Variants in PREP observed in about 807,000 individuals in gnomAD.
The protein encoded by PREP is dJ355L5.1 (prolyl endopeptidase).
A neutral mutation model predicts 87.6 loss-of-function variants in PREP; 29 were observed. The observed-to-expected ratio is 0.33, with a 90% confidence interval of 0.25 to 0.45. The LOEUF is 0.45. Among genes scored for constraint, PREP ranks in the 20% least tolerant of loss-of-function variants. The probability of loss-of-function intolerance (pLI) is 1.00; values close to 1 mark genes in which losing one functional copy is unlikely to be tolerated. For synonymous variants in PREP, 337 were observed against 328.6 expected (o/e 1.03, Z -0.28); for missense variants, 695 against 886.5 (o/e 0.78, Z 2.74).
At chr6:105,329,627 C>T (rs1771268117) in intron 8 of PREP, among the ~76,000 whole-genome samples, 1 of 152,108 alleles carries the variant, frequency 6.6e-6, no homozygotes, top group Non-Finnish European at 1.5e-5. Context: ...GCTATAGGAG[C>T]TATAAGGAGG....
chr6:105,380,102 C>T (rs1772797823), intron 2 of PREP, among the ~76,000 whole-genome samples: 1 of 152,306 alleles, frequency 6.6e-6, no homozygotes. Flanking sequence ...ATTTACAAAC[C>T]AGCCATTCCT....
chr6:105,326,056 A>C (rs1032237366), intron 9 of PREP, among the ~76,000 whole-genome samples: 1 of 152,188 alleles, frequency 6.6e-6, no homozygotes, highest in African/African-American at 2.4e-5. Flanking sequence ...CGTATGTAAA[A>C]AGGCGGCAAA....
intron 14 of PREP, among the ~76,000 whole-genome samples, chr6:105,279,398 C>A (rs1308414690): frequency 6.6e-6 from 1 of 152,100 alleles, no homozygotes; most frequent in African/African-American, 2.4e-5. Context: ...TTTGACCAGC[C>A]CCATTCTTCC....
intron 9 of PREP, 80 bp from the exon 10 acceptor site, chr6:105,323,848 A>C: frequency 8.7e-7 from 1 of 1,145,236 alleles, no homozygotes; most frequent in Non-Finnish European, 1.3e-6. Context: ...ACCACAACCA[A>C]ATGCCAGCAA....
At chr6:105,376,057 C>T (rs1390425247) in intron 4 of PREP, 68 bp downstream of exon 4, 7 of 1,534,264 alleles carry the variant, frequency 4.6e-6, no homozygotes, top group South Asian at 1.3e-5. Flanking sequence ...GGTAAAGCAA[C>T]TGCACTAACT....
At chr6:105,316,977 A>G (rs1196563218) in intron 10 of PREP, among the ~76,000 whole-genome samples, 1 of 143,074 alleles carries the variant, frequency 7.0e-6, no homozygotes, top group Admixed American at 7.0e-5. Flanking sequence ...TTTTTTTTTT[A>G]GAGATAGGGT....
chr6:105,287,799 T>C (rs1193557230), intron 11 of PREP, among the ~76,000 whole-genome samples: 1 of 152,224 alleles, frequency 6.6e-6, no homozygotes, highest in Non-Finnish European at 1.5e-5. Context: ...AAACTCCTTG[T>C]TTTTATTAAA....
intron 10 of PREP, among the ~76,000 whole-genome samples, chr6:105,299,864 T>C (rs960225625): frequency 1.3e-5 from 2 of 151,646 alleles, no homozygotes; most frequent in African/African-American, 4.8e-5. Context: ...ACAAATATCA[T>C]TCTGCCAGAG....
intron 7 of PREP, among the ~76,000 whole-genome samples, chr6:105,344,131 T>A (rs1160448487): frequency 6.6e-6 from 1 of 152,176 alleles, no homozygotes; most frequent in Non-Finnish European, 1.5e-5. Context: ...CAAATGTCCA[T>A]CAATGATAGA....
Position 105,353,094 on chromosome 6 carries a change from A to C in PREP, c.718-17T>G. 1 of 1,561,162 alleles carries C rather than the reference A, an allele frequency of 6.4e-7. No homozygotes were observed. Among genetic ancestry groups the C allele is most frequent in the South Asian group, 1.1e-5 (1 of 89,432 alleles). On this transcript the variant is annotated splice_polypyrimidine_tract_variant and intron_variant, in intron 6 of 14. Transcript: ENST00000652536. ...ATCAGATAACTAAAAAAGAAAAAAA[A>C]ATAGTGCAGGGGACTAATTAGAATT... is the stretch of plus-strand genomic sequence containing the variant.
At chr6:105,288,507 C>A (rs1001352258) in intron 11 of PREP, among the ~76,000 whole-genome samples, 1 of 152,214 alleles carries the variant, frequency 6.6e-6, no homozygotes. Flanking sequence ...GCATCCGCCA[C>A]CACGTCCAGC....
intron 13 of PREP, 102 bp from the exon 14 acceptor site, chr6:105,282,004 TG>T (rs2114610777): frequency 7.2e-7 from 1 of 1,381,036 alleles, no homozygotes; most frequent in East Asian, 2.4e-5. Flanking sequence ...GAGCCCTGGT[TG>T]CATTTATCCA....
In PREP at chr6:105,402,877, C is replaced by A. The variant is rs1312294020; in HGVS notation, c.15G>T (p.Gln5His). The A allele has an allele frequency of 1.3e-6, 2 of 1,539,812 alleles. No homozygotes were observed. The highest frequency in any genetic ancestry group is 1.4e-5 in the African/African-American group (1 of 73,474). ...TCTCGTCGCGGTACACGTCGGGGTA[C>A]TGAAGGGACAGCATGGCCGGGGACA... MLSLQYPDVYRDETA... is the reference protein window; with the variant it reads MLSLHYPDVYRDETA... The change falls in exon 1 of 15, where the codon CAG (glutamine) becomes CAT (histidine). Residue 5 changes from glutamine to histidine, a missense_variant. Transcript: ENST00000652536.
At chr6:105,321,833 G>GC (rs1337913134) in intron 10 of PREP, among the ~76,000 whole-genome samples, 1 of 152,128 alleles carries the variant, frequency 6.6e-6, no homozygotes, top group Non-Finnish European at 1.5e-5. Context: ...ACAGAGCTGA[G>GC]CCCCCTCATA....
intron 1 of PREP, among the ~76,000 whole-genome samples, chr6:105,399,327 G>A (rs570709732): frequency 6.6e-6 from 1 of 152,176 alleles, no homozygotes; most frequent in Non-Finnish European, 1.5e-5. Flanking sequence ...TGCTGCTCTA[G>A]TTCCAGTGTG....
chr6:105,339,759 G>A (rs1342982659), intron 7 of PREP, among the ~76,000 whole-genome samples: 6 of 152,158 alleles, frequency 3.9e-5, no homozygotes, highest in Admixed American at 6.6e-5. Flanking sequence ...TTCAGTAGCC[G>A]ATTCGATCAA....
At chr6:105,402,449 AACACAC>A (rs977162013) in intron 1 of PREP, among the ~76,000 whole-genome samples, 2 of 126,066 alleles carry the variant, frequency 1.6e-5, no homozygotes, top group Non-Finnish European at 3.2e-5. Context: ...CACACACACA[AACACAC>A]ACACACACCC....
intron 6 of PREP, among the ~76,000 whole-genome samples, chr6:105,361,112 A>C (rs1772237397): frequency 6.6e-6 from 1 of 152,224 alleles, no homozygotes; most frequent in Non-Finnish European, 1.5e-5. Flanking sequence ...GGCTATTTTC[A>C]GTCTCAATAC....
chr6:105,375,918 G>C (rs1042126568), intron 4 of PREP, among the ~76,000 whole-genome samples: 7 of 152,194 alleles, frequency 4.6e-5, no homozygotes, highest in Non-Finnish European at 8.8e-5. Flanking sequence ...TCTGCTTCAT[G>C]CCATCAGAGT....
Sources: gnomAD v4.1 joint callset for allele counts (sites outside exome capture counted in the v4.1 genomes callset) on GRCh38, gnomAD v4.1.1 for gene constraint, MANE v1.5 for transcripts, NCBI Gene and HGNC (gene_info 2026-07-23, HGNC 2026-07-21) for gene names.